CSMD2: variants seen among roughly 807,000 people sequenced by gnomAD.
The protein encoded by CSMD2 is CUB and sushi domain-containing protein 2.
CSMD2 carries 130 observed loss-of-function variants against 398.5 expected under a neutral mutation model. The observed-to-expected ratio is 0.33, with a 90% CI of 0.28 to 0.38. The LOEUF is 0.38. Ranked by LOEUF, CSMD2 falls within the 10% of genes least tolerant of loss-of-function variation. The pLI, the probability that CSMD2 is intolerant of heterozygous loss-of-function variation, is 1.00. For missense variants in CSMD2, 3,829 were observed against 4,764.9 expected, an observed-to-expected ratio of 0.80 and a Z score of 5.78; for synonymous variants, 1,828 against 1,908.5, an observed-to-expected ratio of 0.96 and a Z score of 1.10.
At chr1:34,026,738 G>A (rs1212142827) in intron 3 of CSMD2, among the ~76,000 whole-genome samples, 1 of 152,244 alleles carries the variant, frequency 6.6e-6, no homozygotes, top group African/African-American at 2.4e-5. Context: ...TGTGTGTGGG[G>A]AAGGTGGGAA....
In CSMD2 at chr1:33,519,568, T is replaced by C; in HGVS notation, c.10846A>G (p.Met3616Val). 6.2e-7 allele frequency: 1 copy of C among 1,614,048 alleles called. No homozygotes were observed. Among genetic ancestry groups the C allele is most frequent in the Non-Finnish European group, 8.5e-7 (1 of 1,180,002 alleles). Reference sequence around the variant, plus strand: ...ACTGTGAACTCCGCCTCGCTGGCCATGATGTCTGTGGGCTGGATGTTGCGG... The same window carrying C: ...ACTGTGAACTCCGCCTCGCTGGCCACGATGTCTGTGGGCTGGATGTTGCGG... ...YDRNIQPTDI[M>V]ASEAEFTVST... The change falls in exon 70 of 71, where the codon ATG becomes GTG. Residue 3616 changes from methionine to valine, a missense_variant. Transcript: ENST00000373381. The surrounding 1 kb of genome is among the most constrained non-coding windows in gnomAD (Gnocchi z 5.6).
At position 33,523,760 on chromosome 1, in the gene CSMD2, C is replaced by T. The variant is rs542692811; in HGVS notation, c.10397-341G>A. Among the ~76,000 whole-genome samples, 17 of 152,280 alleles carry T rather than the reference C, an allele frequency of 1.1e-4. No individual in the cohort carries two copies. In the East Asian group the frequency reaches 3.1e-3, roughly 28 times the overall value. ...AGATAGTTCAATGGGTGCAATAGTTCATGAGGTCCTGGGCATGGGAGCATG... is the reference window on the plus strand; with the variant it reads ...AGATAGTTCAATGGGTGCAATAGTTTATGAGGTCCTGGGCATGGGAGCATG... On this transcript the variant is annotated intron_variant, in intron 66 of 70. Transcript: ENST00000373381.
chr1:33,790,661 G>GTCTATCA (rs1553207458), intron 11 of CSMD2, among the ~76,000 whole-genome samples: 1 of 149,728 alleles, frequency 6.7e-6, no homozygotes, highest in African/African-American at 2.5e-5. Context: ...CTGTTTGTCT[G>GTCTATCA]TCTATCTATC....
chr1:33,863,986 T>C (rs548234646), intron 5 of CSMD2: 2 of 557,632 alleles, frequency 3.6e-6, no homozygotes, highest in Non-Finnish European at 6.3e-6. Flanking sequence ...TTGGCTGGGA[T>C]TGGCTGGCTT....
intron 64 of CSMD2, among the ~76,000 whole-genome samples, chr1:33,531,630 C>T (rs770401622): frequency 3.3e-5 from 5 of 152,132 alleles, no homozygotes; most frequent in African/African-American, 4.8e-5. Context: ...ATATGATTCA[C>T]GCATAAGAAG....
intron 12 of CSMD2, among the ~76,000 whole-genome samples, chr1:33,773,618 G>A (rs1651574085): frequency 6.6e-6 from 1 of 152,160 alleles, no homozygotes; most frequent in Non-Finnish European, 1.5e-5. Context: ...CACTCATGCT[G>A]TGCTTAATGC....
intron 10 of CSMD2, among the ~76,000 whole-genome samples, chr1:33,801,403 T>C (rs1256418259): frequency 6.6e-6 from 1 of 152,120 alleles, no homozygotes; most frequent in South Asian, 2.1e-4. Flanking sequence ...CATCTTTGTT[T>C]TTCCATGAGG....
At chr1:33,954,561 T>A (rs1272935387) in intron 3 of CSMD2, among the ~76,000 whole-genome samples, 1 of 152,138 alleles carries the variant, frequency 6.6e-6, no homozygotes, top group Non-Finnish European at 1.5e-5. Flanking sequence ...AACTCCAGTG[T>A]CCATGATGGG....
Position 33,593,475 on chromosome 1 carries a change from G to T in CSMD2, c.6857-6307C>A, listed in dbSNP as rs540217468. Among the ~76,000 whole-genome samples, 569 of 152,352 alleles carry T rather than the reference G, an allele frequency of 3.7e-3. 2 individuals are homozygous for T. The highest frequency in any genetic ancestry group is 0.013 in the African/African-American group (555 of 41,566). ...AATCATGGTGGAAGTTGAAAGGCAT[G>T]TCTCACATGGTGGCAGACAAGACAA... On this transcript the variant is annotated intron_variant, in intron 44 of 70. Transcript: ENST00000373381.
At chr1:33,741,510 C>T (rs888638285) in intron 14 of CSMD2, among the ~76,000 whole-genome samples, 1 of 152,152 alleles carries the variant, frequency 6.6e-6, no homozygotes, top group African/African-American at 2.4e-5. Context: ...TTATTTCTAT[C>T]AATCCATCCA....
intron 15 of CSMD2, among the ~76,000 whole-genome samples, chr1:33,729,697 CTT>C (rs1326457902): frequency 6.6e-6 from 1 of 151,764 alleles, no homozygotes; most frequent in East Asian, 1.9e-4. Context: ...TGCAATGTCT[CTT>C]TCACATTTGA....
intron 1 of CSMD2, among the ~76,000 whole-genome samples, chr1:34,109,475 C>T (rs564129618): frequency 2.1e-4 from 32 of 152,128 alleles, no homozygotes; most frequent in Non-Finnish European, 4.4e-5. Flanking sequence ...GAAACTTTTG[C>T]CAATCCAGAA....
intron 2 of CSMD2, among the ~76,000 whole-genome samples, chr1:34,078,670 G>C (rs1656706350): frequency 6.6e-6 from 1 of 152,116 alleles, no homozygotes; most frequent in Admixed American, 6.5e-5. Context: ...TATAAATCTA[G>C]GTCTGTCCCC....
intron 5 of CSMD2, among the ~76,000 whole-genome samples, chr1:33,873,207 C>A (rs562979018): frequency 6.6e-6 from 1 of 152,112 alleles, no homozygotes; most frequent in Non-Finnish European, 1.5e-5. Context: ...GGTGCTCCCA[C>A]GGGAGGAGAT....
chr1:33,728,258 TTC>T (rs1170861063), intron 15 of CSMD2, among the ~76,000 whole-genome samples: 1 of 152,124 alleles, frequency 6.6e-6, no homozygotes, highest in Non-Finnish European at 1.5e-5. Context: ...TACATAGCAC[TTC>T]TCTCTCTGCA....
intron 2 of CSMD2, among the ~76,000 whole-genome samples, chr1:34,050,192 T>A (rs952813099): frequency 6.6e-6 from 1 of 152,198 alleles, no homozygotes; most frequent in African/African-American, 2.4e-5. Context: ...GTTCCCAAAA[T>A]GGTACCCTTC....
At position 33,583,818 on chromosome 1, in the gene CSMD2, G is replaced by A. The variant is rs1306499905; in HGVS notation, c.7064C>T (p.Thr2355Ile). The A allele has an allele frequency of 2.5e-6, 4 of 1,613,812 alleles. No homozygotes were observed. The Admixed American group carries it at 6.7e-5, about 27-fold the overall frequency. ...PPPICEVHCP[T>I]NELLTDSTGV... The stretch of plus-strand genomic sequence containing the variant: ...TGTGGAGTCTGTCAGAAGCTCATTT[G>A]TTGGACAGTGCACTTGGAGAAAGAA... Residue 2355 changes from threonine to isoleucine, a missense_variant, in exon 47 of 71, where the codon ACA (threonine) becomes ATA (isoleucine). By Grantham distance (89) the Thr-to-Ile change is moderately conservative. Coordinates refer to ENST00000373381, the MANE Select transcript of CSMD2 (RefSeq NM_001281956.2).
chr1:34,139,587 A>G (rs1639081148), intron 1 of CSMD2, among the ~76,000 whole-genome samples: 1 of 152,260 alleles, frequency 6.6e-6, no homozygotes. Context: ...AGCTACAGAA[A>G]GCAGACAGAG....
At chr1:33,549,829 G>C (rs1307735827) in intron 56 of CSMD2, among the ~76,000 whole-genome samples, 3 of 152,148 alleles carry the variant, frequency 2.0e-5, no homozygotes, top group Non-Finnish European at 4.4e-5. Context: ...GCTTGGACCT[G>C]AGCTGATCAA....
Sources: gnomAD v4.1 joint callset for allele counts (sites outside exome capture counted in the v4.1 genomes callset) on GRCh38, gnomAD v4.1.1 for gene constraint, Gnocchi (gnomAD v3.1) non-coding constraint, MANE v1.5 for transcripts, NCBI Gene and HGNC (gene_info 2026-07-23, HGNC 2026-07-21) for gene names.